Variants in NCKAP5 observed in about 807,000 individuals in gnomAD.
The protein encoded by NCKAP5 is NCK associated protein 5, also known as nck-associated protein 5.
Under a neutral mutation model 167.0 loss-of-function variants are expected in NCKAP5, and 92 were observed. That is an observed-to-expected ratio of 0.55 (90% CI 0.47 to 0.66). NCKAP5 has a LOEUF of 0.66. NCKAP5 is among the 30% of genes least tolerant of loss of function. The probability of loss-of-function intolerance (pLI) is 0.00; values close to 1 mark genes in which losing one functional copy is unlikely to be tolerated. For synonymous variants in NCKAP5, 891 were observed against 877.4 expected, an observed-to-expected ratio of 1.02 and a Z score of -0.27; for missense variants, 2,378 against 2,315.0, an observed-to-expected ratio of 1.03 and a Z score of -0.56.
intron 19 of NCKAP5, among the ~76,000 whole-genome samples, chr2:132,691,746 C>T (rs1238087044): frequency 6.6e-6 from 1 of 152,158 alleles, no homozygotes; most frequent in Admixed American, 6.5e-5. Flanking sequence ...AAACCCCTCC[C>T]TGACTGGAGG....
At chr2:132,733,540 T>G (rs962331934) in intron 16 of NCKAP5, among the ~76,000 whole-genome samples, 2 of 152,208 alleles carry the variant, frequency 1.3e-5, no homozygotes, top group Non-Finnish European at 2.9e-5. Context: ...ATCCTTAGAA[T>G]TTAGAATGGC....
intron 3 of NCKAP5, among the ~76,000 whole-genome samples, chr2:133,396,353 G>T (rs1687730537): frequency 6.6e-6 from 1 of 152,056 alleles, no homozygotes; most frequent in Non-Finnish European, 1.5e-5. Context: ...GCTGAACTCA[G>T]CTCGTTTTCA....
At chr2:132,990,188 T>C (rs1039483610) in intron 7 of NCKAP5, among the ~76,000 whole-genome samples, 2 of 152,106 alleles carry the variant, frequency 1.3e-5, no homozygotes, top group Admixed American at 1.3e-4. Flanking sequence ...TAAGCCTGAG[T>C]TAGGAAGCAG....
intron 6 of NCKAP5, among the ~76,000 whole-genome samples, chr2:133,127,028 A>G (rs1472804974): frequency 6.6e-6 from 1 of 152,200 alleles, no homozygotes; most frequent in Non-Finnish European, 1.5e-5. Context: ...AGATATCATC[A>G]TGCACAAAAT....
intron 5 of NCKAP5, among the ~76,000 whole-genome samples, chr2:133,141,009 G>A (rs1377271605): frequency 6.6e-6 from 1 of 151,928 alleles, no homozygotes; most frequent in Non-Finnish European, 1.5e-5. Flanking sequence ...TACTTGTTAA[G>A]CTCCACATGA....
intron 8 of NCKAP5, among the ~76,000 whole-genome samples, chr2:132,922,724 A>G (rs907044462): frequency 9.9e-5 from 15 of 152,198 alleles, no homozygotes; most frequent in African/African-American, 3.6e-4. Flanking sequence ...TGTTCCCAGA[A>G]GTATAGAGAA....
chr2:133,256,899 T>C (rs2088645191), intron 4 of NCKAP5, among the ~76,000 whole-genome samples: 1 of 152,128 alleles, frequency 6.6e-6, no homozygotes, highest in South Asian at 2.1e-4. Context: ...TCTTGGCTAG[T>C]CAAACAGTGA....
chr2:133,526,301 G>C (rs1225953178), intron 2 of NCKAP5, among the ~76,000 whole-genome samples: 1 of 107,278 alleles, frequency 9.3e-6, no homozygotes, highest in Non-Finnish European at 1.9e-5. Context: ...GGGAAGGAGG[G>C]AGGGAGGGAA....
chr2:133,063,934 A>T (rs1012653559), intron 6 of NCKAP5, among the ~76,000 whole-genome samples: 1 of 152,206 alleles, frequency 6.6e-6, no homozygotes, highest in Non-Finnish European at 1.5e-5. Context: ...TGGAGACTAG[A>T]AAGATCTAGT....
intron 3 of NCKAP5, among the ~76,000 whole-genome samples, chr2:133,410,437 C>T (rs1178920004): frequency 1.3e-5 from 2 of 152,182 alleles, no homozygotes; most frequent in African/African-American, 4.8e-5. Context: ...TTAGTTTCCT[C>T]CATATACTAA....
intron 3 of NCKAP5, among the ~76,000 whole-genome samples, chr2:133,456,434 T>C (rs190633279): frequency 2.0e-5 from 3 of 152,220 alleles, no homozygotes; most frequent in Admixed American, 6.5e-5. Flanking sequence ...TGAAGTGACC[T>C]TGAGAGCAGA....
intron 3 of NCKAP5, among the ~76,000 whole-genome samples, chr2:133,474,201 A>G (rs563532465): frequency 1.3e-5 from 2 of 151,980 alleles, no homozygotes; most frequent in East Asian, 1.9e-4. Context: ...CACACACACA[A>G]TGGAATACTA....
chr2:133,024,425 A>C (rs1046127491), intron 6 of NCKAP5, among the ~76,000 whole-genome samples: 1 of 152,216 alleles, frequency 6.6e-6, no homozygotes, highest in African/African-American at 2.4e-5. Context: ...TATGCAATCA[A>C]ATTATGAATC....
chr2:133,299,343 T>C (rs1432796797), intron 4 of NCKAP5, among the ~76,000 whole-genome samples: 1 of 152,126 alleles, frequency 6.6e-6, no homozygotes, highest in Non-Finnish European at 1.5e-5. Flanking sequence ...AGGAGCCCCA[T>C]GGTGATGGAT....
At chr2:133,245,340 G>A (rs923869511) in intron 4 of NCKAP5, among the ~76,000 whole-genome samples, 6 of 152,100 alleles carry the variant, frequency 3.9e-5, no homozygotes, top group South Asian at 2.1e-4. Flanking sequence ...TAAGTATCAC[G>A]AATACAATAT....
chr2:133,599,980 A>T, the NCKAP5 span, among the ~76,000 whole-genome samples: 4 of 152,230 alleles, frequency 2.6e-5, no homozygotes, highest in Non-Finnish European at 4.4e-5. Flanking sequence ...ATTTCTGAAG[A>T]GCTGGGACTA....
At chr2:133,468,678 A>G (rs1328798679) in intron 3 of NCKAP5, among the ~76,000 whole-genome samples, 1 of 152,220 alleles carries the variant, frequency 6.6e-6, no homozygotes, top group East Asian at 1.9e-4. Flanking sequence ...GAGTTGCTTT[A>G]TGAATCTTGG....
chr2:132,686,284 C>G (rs982408720), intron 19 of NCKAP5, among the ~76,000 whole-genome samples: 3 of 152,188 alleles, frequency 2.0e-5, no homozygotes, highest in Non-Finnish European at 2.9e-5. Flanking sequence ...GGTTTCTGTG[C>G]TCTGGATTGT....
At chr2:133,567,821 C>G (rs1688676785) in intron 1 of NCKAP5, among the ~76,000 whole-genome samples, 1 of 152,018 alleles carries the variant, frequency 6.6e-6, no homozygotes, top group African/African-American at 2.4e-5. Context: ...TGCAGTGTAC[C>G]AGTTCATGAA....
Sources: gnomAD v4.1 joint callset for allele counts (sites outside exome capture counted in the v4.1 genomes callset) on GRCh38, gnomAD v4.1.1 for gene constraint, MANE v1.5 for transcripts, NCBI Gene and HGNC (gene_info 2026-07-23, HGNC 2026-07-21) for gene names.